SEMA3D: variants seen among roughly 807,000 people sequenced by gnomAD.
SEMA3D encodes the protein semaphorin-3D.
SEMA3D carries 84 observed loss-of-function variants against 100.1 expected under a neutral mutation model. That is an observed-to-expected ratio of 0.84 (90% CI 0.70 to 1.01). SEMA3D has a LOEUF of 1.01. Ranked by LOEUF, SEMA3D falls within the 50% of genes least tolerant of loss-of-function variation. SEMA3D has a pLI of 0.00. For missense variants in SEMA3D, 875 were observed against 934.1 expected, an observed-to-expected ratio of 0.94 and a Z score of 0.82; for synonymous variants, 312 against 320.7, an observed-to-expected ratio of 0.97 and a Z score of 0.29.
intron 2 of SEMA3D, among the ~76,000 whole-genome samples, chr7:85,127,973 T>C (rs1789612094): frequency 6.6e-6 from 1 of 152,036 alleles, no homozygotes. Flanking sequence ...TCGGTTGTTT[T>C]TTAAACTCAA....
the SEMA3D span, among the ~76,000 whole-genome samples, chr7:85,231,234 A>G: frequency 6.6e-6 from 1 of 152,008 alleles, no homozygotes; most frequent in African/African-American, 2.4e-5. Flanking sequence ...CGTCTACTTT[A>G]TCGTACGTAT....
chr7:85,053,972 A>G (rs895053900), intron 9 of SEMA3D, among the ~76,000 whole-genome samples: 4 of 151,600 alleles, frequency 2.6e-5, no homozygotes, highest in Non-Finnish European at 4.4e-5. Context: ...ATTTACGACA[A>G]TTTTCTCTGC....
intron 11 of SEMA3D, among the ~76,000 whole-genome samples, chr7:85,040,316 C>G (rs1291852195): frequency 6.6e-6 from 1 of 151,858 alleles, no homozygotes; most frequent in East Asian, 1.9e-4. Context: ...TATTTTGGGA[C>G]TTTATCTCAC....
intron 18 of SEMA3D, among the ~76,000 whole-genome samples, chr7:85,002,686 A>C (rs187619633): frequency 6.6e-6 from 1 of 152,298 alleles, no homozygotes; most frequent in African/African-American, 2.4e-5. Flanking sequence ...ATAAGTAAAA[A>C]CTGCTCAACT....
intron 9 of SEMA3D, among the ~76,000 whole-genome samples, chr7:85,045,164 G>A (rs941332395): frequency 1.3e-5 from 2 of 151,966 alleles, no homozygotes; most frequent in Non-Finnish European, 2.9e-5. Flanking sequence ...TACTGTCTGT[G>A]CTGGAAACTA....
At chr7:85,195,073 T>G in the SEMA3D span, among the ~76,000 whole-genome samples, 1 of 152,122 alleles carries the variant, frequency 6.6e-6, no homozygotes. Flanking sequence ...CATTTTTTGT[T>G]TAGAGACATT....
At chr7:85,239,160 C>T in the SEMA3D span, among the ~76,000 whole-genome samples, 2 of 152,186 alleles carry the variant, frequency 1.3e-5, no homozygotes, top group South Asian at 2.1e-4. Context: ...TTGCTAAATG[C>T]AGATTCAAAT....
At chr7:85,221,252 A>C in the SEMA3D span, among the ~76,000 whole-genome samples, 1 of 152,136 alleles carries the variant, frequency 6.6e-6, no homozygotes, top group Non-Finnish European at 1.5e-5. Flanking sequence ...CTCAGTAAAG[A>C]ATATGATTAA....
chr7:85,095,866 A>T (rs1001878154), intron 4 of SEMA3D, among the ~76,000 whole-genome samples: 13 of 152,062 alleles, frequency 8.5e-5, no homozygotes. Flanking sequence ...TTTTTAAAAT[A>T]TTAGCACATT....
intron 1 of SEMA3D, among the ~76,000 whole-genome samples, chr7:85,175,896 T>C (rs566035085): frequency 5.9e-5 from 9 of 152,202 alleles, no homozygotes; most frequent in African/African-American, 1.2e-4. Context: ...AGTTAATATA[T>C]ATAAAACTGC....
At chr7:85,208,483 C>T in the SEMA3D span, among the ~76,000 whole-genome samples, 1 of 151,828 alleles carries the variant, frequency 6.6e-6, no homozygotes, top group African/African-American at 2.4e-5. Context: ...TAATTTTTTT[C>T]TTGTTTTCTA....
Position 85,042,201 on chromosome 7 carries a change from C to A in SEMA3D, c.946G>T (p.Asp316Tyr), listed in dbSNP as rs2115992913. ...ARLICSIPGS[D>Y]GADTYFDELQ... ...TCATCAAAGTAAGTATCTGCCCCAT[C>A]ACTTCCAGGAATTGAGCAAATCAGT... The change falls in exon 10 of 19, where the codon GAT (aspartate) becomes TAT (tyrosine). Residue 316 changes from aspartate to tyrosine, a missense_variant. Transcript: ENST00000284136. The A allele has an allele frequency of 1.2e-6, 2 of 1,613,314 alleles. No homozygotes were observed. Among genetic ancestry groups the A allele is most frequent in the Non-Finnish European group, 1.7e-6 (2 of 1,179,396 alleles).
intron 2 of SEMA3D, among the ~76,000 whole-genome samples, chr7:85,135,399 G>A (rs117998272): frequency 0.024 from 3,633 of 151,842 alleles, 82 homozygotes; most frequent in South Asian, 0.082. Flanking sequence ...TTTAACTGTC[G>A]CAAGAACAAA....
the SEMA3D span, among the ~76,000 whole-genome samples, chr7:85,196,608 A>C: frequency 6.6e-6 from 1 of 152,148 alleles, no homozygotes; most frequent in Non-Finnish European, 1.5e-5. Context: ...TACTTGAATC[A>C]ATGAGAAAAA....
chr7:85,121,103 G>A (rs963176993), intron 3 of SEMA3D, among the ~76,000 whole-genome samples: 1 of 152,112 alleles, frequency 6.6e-6, no homozygotes, highest in Admixed American at 6.6e-5. Context: ...AGGTATTAAT[G>A]AAGCCCGGAG....
intron 4 of SEMA3D, among the ~76,000 whole-genome samples, chr7:85,091,366 G>A (rs1788388556): frequency 6.6e-6 from 1 of 151,950 alleles, no homozygotes. Context: ...ATCCCTGCAG[G>A]TTTGAACCGC....
the SEMA3D span, among the ~76,000 whole-genome samples, chr7:85,238,504 G>A: frequency 2.0e-5 from 3 of 152,164 alleles, no homozygotes; most frequent in African/African-American, 7.2e-5. Flanking sequence ...AAAATCAATG[G>A]GCTACAATTA....
At chr7:85,223,258 C>T in the SEMA3D span, among the ~76,000 whole-genome samples, 19 of 152,062 alleles carry the variant, frequency 1.2e-4, no homozygotes, top group Admixed American at 7.9e-4. Context: ...CCTTAAAGCA[C>T]TATTAGGTTG....
chr7:85,086,967 A>ATAGT lies in SEMA3D; in HGVS notation c.313-5392_313-5389dup, dbSNP rs564230259. ...TATTAAAAGTCAGCCCTCAGGATCA[A>ATAGT]TAGTTAATATGAACAATTTTGAGAC... On this transcript the variant is annotated intron_variant, in intron 4 of 18. Coordinates refer to ENST00000284136, the MANE Select transcript of SEMA3D (RefSeq NM_001384900.1). Among the ~76,000 whole-genome samples, 266 of 152,318 alleles carry ATAGT rather than the reference A, an allele frequency of 1.7e-3. 1 individual carries two copies. Among genetic ancestry groups the ATAGT allele is most frequent in the African/African-American group, 6.2e-3 (257 of 41,584 alleles).
Sources: allele counts gnomAD v4.1 joint callset (sites outside exome capture counted in the v4.1 genomes callset), GRCh38; gene constraint gnomAD v4.1.1; transcripts MANE v1.5; gene names NCBI Gene and HGNC (gene_info 2026-07-23, HGNC 2026-07-21).